The following NUP205 variants were observed in gnomAD, a reference collection of about 807,000 sequenced individuals.
NUP205 encodes nucleoporin 205.
NUP205 carries 76 observed loss-of-function variants against 253.8 expected under a neutral mutation model. That is an observed-to-expected ratio of 0.30 (90% CI 0.25 to 0.36). The LOEUF is 0.36. Ranked by LOEUF, NUP205 falls within the 10% of genes least tolerant of loss-of-function variation. The pLI, the probability that NUP205 is intolerant of heterozygous loss-of-function variation, is 1.00. For missense variants in NUP205, 2,162 were observed against 2,425.5 expected (o/e 0.89, Z 2.28); for synonymous variants, 832 against 850.1 (o/e 0.98, Z 0.37).
At position 135,594,462 on chromosome 7, in the gene NUP205, T is replaced by G. The variant is rs1793776858; in HGVS notation, c.1831-85T>G. 2 of 1,085,252 alleles carry G rather than the reference T, an allele frequency of 1.8e-6. 1 individual carries two copies. Among genetic ancestry groups the G allele is most frequent in the Admixed American group, 4.6e-5 (2 of 43,330 alleles). The allele number at this position is 1,085,252 out of a possible 1,614,324, so 67.2% of individuals were successfully genotyped here. A position where few individuals can be genotyped will look rare whatever the true frequency, so the allele number is the denominator to read the frequency against. ...ATATTAAGCCCATGAGGACTCAGTATAAATGATAGCAATTTAGATGATTGC... is the reference window on the plus strand; with the variant it reads ...ATATTAAGCCCATGAGGACTCAGTAGAAATGATAGCAATTTAGATGATTGC... On this transcript the variant is annotated intron_variant, in intron 12 of 42. Coordinates refer to ENST00000285968, the MANE Select transcript of NUP205 (RefSeq NM_015135.3).
chr7:135,560,188 G>C (rs1003979344), intron 1 of NUP205, among the ~76,000 whole-genome samples: 2 of 151,694 alleles, frequency 1.3e-5, no homozygotes, highest in Non-Finnish European at 2.9e-5. Flanking sequence ...TAGAGACGGG[G>C]TTTCACCATG....
intron 4 of NUP205, 53 bp downstream of exon 4, chr7:135,576,467 G>A (rs1257885036): frequency 2.0e-6 from 3 of 1,495,110 alleles, no homozygotes; most frequent in Non-Finnish European, 2.8e-6. Context: ...CTTGAAGTAT[G>A]ACAATATTTC....
chr7:135,626,583 A>G (rs1448988139), intron 33 of NUP205, among the ~76,000 whole-genome samples: 1 of 152,042 alleles, frequency 6.6e-6, no homozygotes, highest in Non-Finnish European at 1.5e-5. Context: ...TACTTGCCCA[A>G]TGTTATTATT....
intron 11 of NUP205, 96 bp from the exon 12 acceptor site, chr7:135,592,891 G>GA: frequency 5.2e-6 from 5 of 969,198 alleles, no homozygotes; most frequent in Non-Finnish European, 7.8e-6. Flanking sequence ...TCTCAAAAAA[G>GA]AAAAAAGTAT....
Position 135,573,646 on chromosome 7 carries a change from C to T in NUP205, c.172-8C>T, listed in dbSNP as rs778265202. ...ATTTTCATAACAATTACAATTTTAT[C>T]ATTGTAGCCAAAAAATGTTCAACAG... is the stretch of plus-strand genomic sequence containing the variant. On this transcript the variant is annotated splice_region_variant and splice_polypyrimidine_tract_variant and intron_variant, in intron 2 of 42. Coordinates refer to ENST00000285968, the MANE Select transcript of NUP205 (RefSeq NM_015135.3). 1 of 1,603,124 alleles carries T rather than the reference C, an allele frequency of 6.2e-7. No homozygotes were observed. Among genetic ancestry groups the T allele is most frequent in the South Asian group, 1.1e-5 (1 of 88,868 alleles).
chr7:135,644,228 G>A (rs1221501218), intron 39 of NUP205, among the ~76,000 whole-genome samples: 1 of 152,212 alleles, frequency 6.6e-6, no homozygotes, highest in Non-Finnish European at 1.5e-5. Flanking sequence ...AACAGGGTGA[G>A]GCAGGAGTCA....
intron 14 of NUP205, 111 bp from the exon 15 acceptor site, chr7:135,597,887 T>G: frequency 1.2e-6 from 1 of 813,254 alleles, no homozygotes; most frequent in Non-Finnish European, 2.0e-6. Flanking sequence ...AAATATCTGT[T>G]ATATCTTTTG....
intron 15 of NUP205, 148 bp from the exon 16 acceptor site, chr7:135,600,722 G>A (rs1198467284): frequency 2.4e-6 from 1 of 424,910 alleles, no homozygotes; most frequent in East Asian, 3.5e-5. Flanking sequence ...AATGAATTGG[G>A]ATTTCTATAT....
At chr7:135,570,014 G>T (rs1563109292) in intron 1 of NUP205, among the ~76,000 whole-genome samples, 1 of 144,552 alleles carries the variant, frequency 6.9e-6, no homozygotes, top group Non-Finnish European at 1.5e-5. Context: ...CTTTGAAGCA[G>T]ATGGTGTTTA....
chr7:135,612,076 C>T (rs766434663), intron 22 of NUP205, among the ~76,000 whole-genome samples: 4 of 151,924 alleles, frequency 2.6e-5, no homozygotes, highest in Non-Finnish European at 2.9e-5. Flanking sequence ...GCCGAGATCG[C>T]GCCACTGCAC....
rs768864773 is a variant in NUP205, at chr7:135,628,162, A to G, written c.4932+51A>G. On this transcript the variant is annotated intron_variant, in intron 34 of 42. Coordinates refer to ENST00000285968, the MANE Select transcript of NUP205 (RefSeq NM_015135.3). The stretch of plus-strand genomic sequence containing the variant: ...TTGTCTAGAGCAAAATCCTCATTTT[A>G]CAAGTACAGAAACCTTACACACATA... The G allele has an allele frequency of 2.0e-5, 31 of 1,557,018 alleles. No homozygotes were observed. The East Asian group carries it at 4.5e-4, about 23-fold the overall frequency.
At chr7:135,622,421 CAAAAAAAAAAAGAAGG>C (rs796279574) in intron 30 of NUP205, among the ~76,000 whole-genome samples, 2 of 75,850 alleles carry the variant, frequency 2.6e-5, no homozygotes, top group South Asian at 7.8e-4. Context: ...GGCTCTGTCT[CAAAAAAAAAAAGAAGG>C]AAAAAAAAAA....
chr7:135,597,820 C>T (rs1793877640), intron 14 of NUP205, 178 bp from the exon 15 acceptor site: 2 of 570,378 alleles, frequency 3.5e-6, no homozygotes, highest in East Asian at 5.7e-5. Flanking sequence ...GTTCTTCCAT[C>T]TGACTCATCT....
chr7:135,589,306 A>G (rs184914012), intron 10 of NUP205, among the ~76,000 whole-genome samples: 3 of 143,142 alleles, frequency 2.1e-5, no homozygotes, highest in African/African-American at 5.2e-5. Context: ...TTTTTTTGAG[A>G]TGGAGTTTCG....
intron 18 of NUP205, 37 bp downstream of exon 18, chr7:135,603,031 A>C: frequency 6.8e-7 from 1 of 1,461,506 alleles, no homozygotes; most frequent in Non-Finnish European, 9.4e-7. Flanking sequence ...TGAAGTAAAC[A>C]GATAGACATT....
At chr7:135,598,973 GGTT>G (rs986111871) in intron 15 of NUP205, 1 of 151,930 alleles carries the variant, frequency 6.6e-6, no homozygotes, top group African/African-American at 2.4e-5. Context: ...GAATACCCTT[GGTT>G]GTATCTTGTA....
rs151323827 is a variant in NUP205, at chr7:135,595,476, G to A, written c.2013+747G>A. ...TGGCTTCAAGTGATCTGCCCGCCTC[G>A]GCCTCCCAAAGTGCTGGGATGACAG... On this transcript the variant is annotated intron_variant, in intron 13 of 42. Transcript: ENST00000285968. Among the ~76,000 whole-genome samples, 573 of 152,112 alleles carry A rather than the reference G, an allele frequency of 3.8e-3. 3 individuals are homozygous for A. Among genetic ancestry groups the A allele is most frequent in the African/African-American group, 0.013 (520 of 41,508 alleles).
chr7:135,616,145 A>G, intron 24 of NUP205, 80 bp downstream of exon 24: 7 of 1,337,282 alleles, frequency 5.2e-6, no homozygotes, highest in Middle Eastern at 2.3e-4. Context: ...TGTGCTTAGT[A>G]TGTGACTATA....
At position 135,606,845 on chromosome 7, in the gene NUP205, C is replaced by T. The variant is rs758760323; in HGVS notation, c.3000C>T (p.Pro1000=). The T allele has an allele frequency of 2.5e-6, 4 of 1,613,872 alleles. No homozygotes were observed. The East Asian group carries it at 8.9e-5, about 36-fold the overall frequency. Residue 1000 remains proline (P), a synonymous_variant, in exon 21 of 43, where the codon CCC becomes CCT. Transcript: ENST00000285968. ...TTACCTCTCTGGAATGCAATCCACC[C>T]AATCTTGCTCTCTACCTGTTGGGCT... The part of the protein sequence containing the change: ...LLITSLECNP[P]NLALYLLGFE...
Sources: gnomAD v4.1 joint callset for allele counts (sites outside exome capture counted in the v4.1 genomes callset) on GRCh38, gnomAD v4.1.1 for gene constraint, MANE v1.5 for transcripts, NCBI Gene and HGNC (gene_info 2026-07-23, HGNC 2026-07-21) for gene names.